Variants in PTDSS2 observed in about 807,000 individuals in gnomAD.
The protein encoded by PTDSS2 is phosphatidylserine synthase 2, also known as PSS-2.
A neutral mutation model predicts 64.7 loss-of-function variants in PTDSS2; 41 were observed. The ratio of observed to expected loss-of-function variants is 0.63; its 90% CI spans 0.49 to 0.82. The LOEUF (loss-of-function observed/expected upper bound fraction) is 0.82. Ranked by LOEUF, PTDSS2 falls within the 40% of genes least tolerant of loss-of-function variation. PTDSS2 has a pLI of 0.00. For synonymous variants in PTDSS2, 297 were observed against 277.8 expected (o/e 1.07, Z -0.69); for missense variants, 485 against 650.0 (o/e 0.75, Z 2.76).
In PTDSS2 at chr11:450,373, C is replaced by A; in HGVS notation, c.-83C>A. ...CGACCCCTTCCCAGCGCTCCTCGCG[C>A]TGTGTGCGGCGCGTCCTCTCGCCGG... is the stretch of plus-strand genomic sequence containing the variant. On this transcript the variant is annotated 5_prime_UTR_variant, in exon 1 of 12. In the 5' UTR this introduces an upstream ATG that the reference lacks. Coordinates refer to ENST00000308020, the MANE Select transcript of PTDSS2 (RefSeq NM_030783.3). 1 of 1,161,786 alleles carries A rather than the reference C, an allele frequency of 8.6e-7. No homozygotes were observed. Among genetic ancestry groups the A allele is most frequent in the Non-Finnish European group, 1.1e-6 (1 of 928,538 alleles). 72.0% of individuals were successfully genotyped at this position (1,161,786 alleles called of 1,614,324 possible).
intron 4 of PTDSS2, 36 bp from the exon 5 acceptor site, chr11:486,903 A>G (rs771813008): frequency 7.1e-6 from 11 of 1,558,552 alleles, no homozygotes; most frequent in African/African-American, 2.8e-5. Flanking sequence ...GCCACCACTA[A>G]CTGTAGCCCC....
intron 2 of PTDSS2, among the ~76,000 whole-genome samples, chr11:464,229 C>T (rs114063850): frequency 3.3e-5 from 5 of 152,198 alleles, no homozygotes; most frequent in East Asian, 1.9e-4. Context: ...ACAGTACACC[C>T]GCCTCAGCCT....
At position 484,709 on chromosome 11, in the gene PTDSS2, G is replaced by A. The variant is rs138180149; in HGVS notation, c.436-2230G>A. On this transcript the variant is annotated intron_variant, in intron 4 of 11. Coordinates refer to ENST00000308020, the MANE Select transcript of PTDSS2 (RefSeq NM_030783.3). ...GTGTGTGCTGTGTGTGTGCAGGCGA[G>A]CGTAAACAGTGCACGGATGCGTGTG... Among the ~76,000 whole-genome samples the A allele has an allele frequency of 1.6e-3, 239 of 151,088 alleles. 1 individual carries two copies. Among genetic ancestry groups the A allele is most frequent in the African/African-American group, 5.2e-3 (214 of 41,126 alleles).
rs117879848 is a variant in PTDSS2, at chr11:451,442, G to T, written c.182+805G>T. On this transcript the variant is annotated intron_variant, in intron 1 of 11. Coordinates refer to ENST00000308020, the MANE Select transcript of PTDSS2 (RefSeq NM_030783.3). ...CCTCTGTGAGAAGGATCAAGCCGTC[G>T]ACCTGAAAGCAGGCTTCGTGAGAGG... 334 of 441,986 alleles carry T rather than the reference G, an allele frequency of 7.6e-4. 2 individuals carry two copies. In the Middle Eastern group the frequency reaches 0.014, roughly 18 times the overall value. 27.4% of individuals were successfully genotyped at this position (441,986 alleles called of 1,614,324 possible). A position where few individuals can be genotyped will look rare whatever the true frequency, so the allele number is the denominator to read the frequency against.
chr11:474,918 C>T (rs1847664183), intron 3 of PTDSS2, among the ~76,000 whole-genome samples: 1 of 143,830 alleles, frequency 7.0e-6, no homozygotes, highest in Non-Finnish European at 1.5e-5. Context: ...CGTGTACGGA[C>T]ATATTCACGC....
At chr11:452,670 A>G (rs547362776) in intron 1 of PTDSS2, among the ~76,000 whole-genome samples, 3 of 151,972 alleles carry the variant, frequency 2.0e-5, no homozygotes, top group African/African-American at 7.2e-5. Flanking sequence ...CCCTGTAGAG[A>G]CGCATGGGGC....
rs947827191 is a variant in PTDSS2 at position 470,189 on chromosome 11, G to A, written c.285-3706G>A. On this transcript the variant is annotated intron_variant, in intron 2 of 11. Coordinates refer to ENST00000308020, the MANE Select transcript of PTDSS2 (RefSeq NM_030783.3). The surrounding 1 kb of genome is among the most constrained non-coding windows in gnomAD (Gnocchi z 5.3). ...GCAGTGGGAGGAGGACGCTGCAGCC[G>A]AGGTGCCCGCAGACACCCCCAAGCC... Among the ~76,000 whole-genome samples the A allele has an allele frequency of 2.0e-5, 3 of 152,200 alleles. No homozygotes were observed. Among genetic ancestry groups the A allele is most frequent in the African/African-American group, 2.4e-5 (1 of 41,454 alleles).
chr11:474,779 T>C (rs990445232), intron 3 of PTDSS2, among the ~76,000 whole-genome samples: 1 of 152,232 alleles, frequency 6.6e-6, no homozygotes, highest in Non-Finnish European at 1.5e-5. Context: ...ACAAAGATAC[T>C]TAAAAATAAA....
chr11:486,721 G>A (rs949938001), intron 4 of PTDSS2, among the ~76,000 whole-genome samples: 16 of 152,096 alleles, frequency 1.1e-4, no homozygotes, highest in South Asian at 2.1e-4. Context: ...GGTGGCGGGC[G>A]CCTGTAGTCC....
intron 1 of PTDSS2, among the ~76,000 whole-genome samples, chr11:452,107 A>T (rs1365477296): frequency 2.0e-5 from 3 of 151,942 alleles, no homozygotes; most frequent in Non-Finnish European, 4.4e-5. Flanking sequence ...GAGGTCCCGG[A>T]GCAAGAAGAC....
intron 2 of PTDSS2, among the ~76,000 whole-genome samples, chr11:472,555 G>A (rs779796447): frequency 6.6e-6 from 1 of 152,308 alleles, no homozygotes; most frequent in African/African-American, 2.4e-5. Context: ...GCTCTGGGTG[G>A]AGAGCAGCAC....
intron 3 of PTDSS2, among the ~76,000 whole-genome samples, chr11:478,721 C>T (rs953455882): frequency 1.3e-5 from 2 of 151,726 alleles, no homozygotes; most frequent in Admixed American, 6.6e-5. Context: ...CCAGCCTGGG[C>T]GACAGACTCC....
chr11:482,837 A>G (rs1056430787), intron 4 of PTDSS2, among the ~76,000 whole-genome samples: 3 of 142,946 alleles, frequency 2.1e-5, no homozygotes, highest in Admixed American at 6.8e-5. Flanking sequence ...AGATCTCCCT[A>G]CCGAGTGGAG....
rs1847359066 is a variant in PTDSS2, at chr11:470,238, G to A, written c.285-3657G>A. 6.6e-6 allele frequency among the ~76,000 whole-genome samples: 1 copy of A among 152,212 alleles called. No individual in the cohort carries two copies. The highest frequency in any genetic ancestry group is 6.5e-5 in the Admixed American group (1 of 15,282). ...CCCAGTGGTCAGGTCAGCATGCACT[G>A]GTCATGTTCATGGCGTGGCCGACGG... On this transcript the variant is annotated intron_variant, in intron 2 of 11. Transcript: ENST00000308020. The surrounding 1 kb of genome is among the most constrained non-coding windows in gnomAD (Gnocchi z 5.3).
Position 479,936 on chromosome 11 carries a change from C to T in PTDSS2, c.435+784C>T, listed in dbSNP as rs185001404. Among the ~76,000 whole-genome samples, 108 of 152,274 alleles carry T rather than the reference C, an allele frequency of 7.1e-4. No individual in the cohort carries two copies. Among genetic ancestry groups the T allele is most frequent in the African/African-American group, 2.6e-3 (106 of 41,544 alleles). On this transcript the variant is annotated intron_variant, in intron 4 of 11. Coordinates refer to ENST00000308020, the MANE Select transcript of PTDSS2 (RefSeq NM_030783.3). The surrounding 1 kb of genome is among the most constrained non-coding windows in gnomAD (Gnocchi z 4.2). ...AGTGCATGATGAGATTTTTTATCAT[C>T]GTGGCAAAATTGACTTTTCTGAGGC...
At chr11:474,349 G>A (rs1847621073) in intron 3 of PTDSS2, among the ~76,000 whole-genome samples, 1 of 149,420 alleles carries the variant, frequency 6.7e-6, no homozygotes, top group Admixed American at 6.7e-5. Flanking sequence ...TGAGGCCAGG[G>A]ACTGTGGGCT....
rs944744879 is a variant in PTDSS2, at chr11:490,140, G to A, written c.1301+72G>A. On this transcript the variant is annotated intron_variant, in intron 11 of 11. Transcript: ENST00000308020. The stretch of plus-strand genomic sequence containing the variant: ...GGGTCCCTTGGCACAGGCACTGTGG[G>A]AGTTTGGTGTCGTTGGTGTCTCACT... The A allele has an allele frequency of 6.1e-6, 9 of 1,472,892 alleles. No individual in the cohort carries two copies. In the South Asian group the frequency reaches 1.0e-4, roughly 17 times the overall value. The allele number at this position is 1,472,892 out of a possible 1,614,324, so 91.2% of individuals were successfully genotyped here.
chr11:477,572 G>T (rs1210656541), intron 3 of PTDSS2, among the ~76,000 whole-genome samples: 1 of 152,206 alleles, frequency 6.6e-6, no homozygotes, highest in Non-Finnish European at 1.5e-5. Flanking sequence ...TTCTGATCTG[G>T]GGAGCTGGGG....
At position 485,581 on chromosome 11, in the gene PTDSS2, C is replaced by CGA. The variant is rs145631373; in HGVS notation, c.436-1357_436-1356insAG. ...CGCGTGTGCTCACCGTGTGCGCAGGCGTGTAAACTGCACGGGCGCGTGTGC... is the reference window on the plus strand; with the variant it reads ...CGCGTGTGCTCACCGTGTGCGCAGGCGAGTGTAAACTGCACGGGCGCGTGTGC... On this transcript the variant is annotated intron_variant, in intron 4 of 11. Coordinates refer to ENST00000308020, the MANE Select transcript of PTDSS2 (RefSeq NM_030783.3). Among the ~76,000 whole-genome samples the CGA allele has an allele frequency of 8.9e-3, 592 of 66,778 alleles. 43 individuals are homozygous for CGA. The highest frequency in any genetic ancestry group is 0.048 in the African/African-American group (561 of 11,592). The allele number at this position is 66,778 out of a possible 152,430, so 43.8% of individuals were successfully genotyped here. A position where few individuals can be genotyped will look rare whatever the true frequency, so the allele number is the denominator to read the frequency against.
Sources: gnomAD v4.1 joint callset for allele counts (sites outside exome capture counted in the v4.1 genomes callset) on GRCh38, gnomAD v4.1.1 for gene constraint, Gnocchi (gnomAD v3.1) non-coding constraint, MANE v1.5 for transcripts, NCBI Gene and HGNC (gene_info 2026-07-23, HGNC 2026-07-21) for gene names.